STRN: variants seen among roughly 807,000 people sequenced by gnomAD.
STRN encodes the protein protein phosphatase 2 regulatory subunit B'''alpha.
Under a neutral mutation model 96.3 loss-of-function variants are expected in STRN, and 53 were observed. The observed-to-expected ratio is 0.55, with a 90% CI of 0.44 to 0.69. The LOEUF is 0.69. STRN is among the 30% of genes least tolerant of loss of function. STRN has a pLI of 0.00. For synonymous variants in STRN, 428 were observed against 355.9 expected, an observed-to-expected ratio of 1.20 and a Z score of -2.28; for missense variants, 987 against 963.9, an observed-to-expected ratio of 1.02 and a Z score of -0.32.
chr2:36,919,681 C>T (rs10201963), intron 2 of STRN, among the ~76,000 whole-genome samples: 9,931 of 151,988 alleles, frequency 0.065, 441 homozygotes, highest in East Asian at 0.13. Flanking sequence ...ATGAATTCTA[C>T]GGATATGGAA....
rs748378227 is a variant in STRN, at chr2:36,894,004, G to A, written c.825C>T (p.Ser275=). ...TIVRKKALPD[S]GEDRDTKEAL... ...CTTCTTTTGTATCTCGATCTTCACC[G>A]CTGTCAGGCAATGCTTTTTTCCTAA... Residue 275 remains serine, a synonymous_variant, in exon 7 of 18, where the codon AGC becomes AGT. Coordinates refer to ENST00000263918, the MANE Select transcript of STRN (RefSeq NM_003162.4). 9 of 1,612,656 alleles carry A rather than the reference G, an allele frequency of 5.6e-6. No individual in the cohort carries two copies. The highest frequency in any genetic ancestry group is 3.3e-5 in the South Asian group (3 of 90,784).
Position 36,846,978 on chromosome 2 carries a change from C to T in STRN, c.*2478G>A, listed in dbSNP as rs1425230453. Reference sequence around the variant, plus strand: ...TGGCTGTTTAAACATTGAATTTGTTCATTCTGTGAATTTTCATTGAATGTT... The same window carrying T: ...TGGCTGTTTAAACATTGAATTTGTTTATTCTGTGAATTTTCATTGAATGTT... On this transcript the variant is annotated 3_prime_UTR_variant, in exon 18 of 18. Coordinates refer to ENST00000263918, the MANE Select transcript of STRN (RefSeq NM_003162.4). 6.6e-6 allele frequency: 1 copy of T among 152,104 alleles called. No individual in the cohort carries two copies. The allele number at this position is 152,104 out of a possible 1,614,324, so 9.4% of individuals were successfully genotyped here. A position where few individuals can be genotyped will look rare whatever the true frequency, so the allele number is the denominator to read the frequency against.
Position 36,857,786 on chromosome 2 carries a change from T to C in STRN, c.1837+70A>G, listed in dbSNP as rs532991034. 15 of 1,306,898 alleles carry C rather than the reference T, an allele frequency of 1.1e-5. No individual in the cohort carries two copies. The East Asian group carries it at 3.1e-4, about 27-fold the overall frequency. 81.0% of individuals were successfully genotyped at this position (1,306,898 alleles called of 1,614,324 possible). A position where few individuals can be genotyped will look rare whatever the true frequency, so the allele number is the denominator to read the frequency against. ...TTTAAAGAGTTCAGGGAATCATTTA[T>C]CTGCTTGCTTATTTTCAGAATAAAC... is the stretch of plus-strand genomic sequence containing the variant. On this transcript the variant is annotated intron_variant, in intron 14 of 17. Coordinates refer to ENST00000263918, the MANE Select transcript of STRN (RefSeq NM_003162.4).
chr2:36,878,743 T>A (rs1441415894), intron 9 of STRN, among the ~76,000 whole-genome samples: 2 of 151,976 alleles, frequency 1.3e-5, no homozygotes, highest in Non-Finnish European at 1.5e-5. Flanking sequence ...TTTTTATTTT[T>A]TATTTCTTTT....
chr2:36,867,872 G>C lies in STRN; in HGVS notation c.1500-11C>G, dbSNP rs1412047775. Reference sequence around the variant, plus strand: ...TCAAGAGAAGTGCTCCTAAATCAGAGAGAGATGACTTTACCATTCTAAGTG... The same window carrying C: ...TCAAGAGAAGTGCTCCTAAATCAGACAGAGATGACTTTACCATTCTAAGTG... On this transcript the variant is annotated splice_polypyrimidine_tract_variant and intron_variant, in intron 11 of 17. Coordinates refer to ENST00000263918, the MANE Select transcript of STRN (RefSeq NM_003162.4). The C allele has an allele frequency of 5.7e-6, 9 of 1,584,548 alleles. No homozygotes were observed. The highest frequency in any genetic ancestry group is 1.8e-5 in the Admixed American group (1 of 54,776).
intron 9 of STRN, among the ~76,000 whole-genome samples, chr2:36,880,546 C>G (rs749715479): frequency 2.0e-5 from 3 of 152,146 alleles, no homozygotes; most frequent in Non-Finnish European, 4.4e-5. Context: ...TATCAAACTA[C>G]CATACAATAC....
chr2:36,840,222 G>T lies in STRN; in HGVS notation c.*9234C>A, dbSNP rs1558614003. Reference sequence around the variant, plus strand: ...CCCAGGATAATCAAGGCAGGCTCAGGTTCCAGGCTAGAAAAGCTCCCTTTC... The same window carrying T: ...CCCAGGATAATCAAGGCAGGCTCAGTTTCCAGGCTAGAAAAGCTCCCTTTC... On this transcript the variant is annotated 3_prime_UTR_variant, in exon 18 of 18. Coordinates refer to ENST00000263918, the MANE Select transcript of STRN (RefSeq NM_003162.4). The T allele has an allele frequency of 2.6e-5, 4 of 152,284 alleles. No homozygotes were observed. Among genetic ancestry groups the T allele is most frequent in the Non-Finnish European group, 1.5e-5 (1 of 68,132 alleles). 9.4% of individuals were successfully genotyped at this position (152,284 alleles called of 1,614,324 possible).
At chr2:36,875,067 G>A (rs1330097298) in intron 10 of STRN, among the ~76,000 whole-genome samples, 1 of 152,098 alleles carries the variant, frequency 6.6e-6, no homozygotes, top group African/African-American at 2.4e-5. Context: ...ATATAAGTAG[G>A]GTGGGAATTA....
At chr2:36,951,767 T>C (rs1196696958) in intron 1 of STRN, among the ~76,000 whole-genome samples, 1 of 152,198 alleles carries the variant, frequency 6.6e-6, no homozygotes, top group Non-Finnish European at 1.5e-5. Context: ...GAAACAAATA[T>C]ATACCAAGTA....
At chr2:36,922,912 G>C (rs1278691554) in intron 2 of STRN, among the ~76,000 whole-genome samples, 1 of 152,340 alleles carries the variant, frequency 6.6e-6, no homozygotes, top group South Asian at 2.1e-4. Context: ...GGGAGGCTGA[G>C]GCAGGCGGAT....
intron 2 of STRN, among the ~76,000 whole-genome samples, chr2:36,921,602 G>A (rs189614982): frequency 6.6e-6 from 1 of 152,266 alleles, no homozygotes; most frequent in East Asian, 1.9e-4. Context: ...CCAGGAACCT[G>A]GGAGTCATTC....
chr2:36,890,291 A>G (rs1404644517), intron 7 of STRN, among the ~76,000 whole-genome samples: 1 of 152,186 alleles, frequency 6.6e-6, no homozygotes, highest in African/African-American at 2.4e-5. Context: ...GTATTCTTCA[A>G]TGACTAAATA....
In STRN at chr2:36,844,298, T is replaced by C. The variant is rs1668014213; in HGVS notation, c.*5158A>G. 6.6e-6 allele frequency: 1 copy of C among 152,144 alleles called. No homozygotes were observed. The highest frequency in any genetic ancestry group is 1.5e-5 in the Non-Finnish European group (1 of 68,012). The allele number at this position is 152,144 out of a possible 1,614,324, so 9.4% of individuals were successfully genotyped here. ...AAGAGATAGTAGGGAGGGAGATGTG[T>C]GGTAGACCAAAGACTTTCTGATTGC... On this transcript the variant is annotated 3_prime_UTR_variant, in exon 18 of 18. Coordinates refer to ENST00000263918, the MANE Select transcript of STRN (RefSeq NM_003162.4).
intron 3 of STRN, among the ~76,000 whole-genome samples, chr2:36,914,852 A>G (rs538051789): frequency 6.6e-6 from 1 of 152,160 alleles, no homozygotes; most frequent in Admixed American, 6.5e-5. Context: ...AAATCCAAAT[A>G]AATATTATCT....
Position 36,867,795 on chromosome 2 carries a change from A to C in STRN, c.1547+19T>G. The C allele has an allele frequency of 6.7e-7, 1 of 1,500,920 alleles. No individual in the cohort carries two copies. The highest frequency in any genetic ancestry group is 9.0e-7 in the Non-Finnish European group (1 of 1,111,748). The allele number at this position is 1,500,920 out of a possible 1,614,324, so 93.0% of individuals were successfully genotyped here. ...TTACAGAGATATCGGTTTAAAATAA[A>C]GAAAAAACATATACTTACTTATGGG... On this transcript the variant is annotated intron_variant, in intron 12 of 17. Coordinates refer to ENST00000263918, the MANE Select transcript of STRN (RefSeq NM_003162.4).
chr2:36,902,125 G>A (rs1274032597), intron 5 of STRN, among the ~76,000 whole-genome samples: 1 of 152,128 alleles, frequency 6.6e-6, no homozygotes, highest in Non-Finnish European at 1.5e-5. Flanking sequence ...CACTTACGCT[G>A]TCACTTCAAA....
chr2:36,924,156 A>G (rs1670338621), intron 2 of STRN, among the ~76,000 whole-genome samples: 1 of 152,114 alleles, frequency 6.6e-6, no homozygotes, highest in Admixed American at 6.6e-5. Context: ...GGAGATCAAG[A>G]CCATCCTGGC....
In STRN at chr2:36,845,119, T is replaced by A. The variant is rs1668035631; in HGVS notation, c.*4337A>T. 1 of 152,134 alleles carries A rather than the reference T, an allele frequency of 6.6e-6. No individual in the cohort carries two copies. The highest frequency in any genetic ancestry group is 1.5e-5 in the Non-Finnish European group (1 of 68,016). The allele number at this position is 152,134 out of a possible 1,614,324, so 9.4% of individuals were successfully genotyped here. A position where few individuals can be genotyped will look rare whatever the true frequency, so the allele number is the denominator to read the frequency against. ...AAGAATAAAGTAATCTAAATAAAAT[T>A]ATACTTAGCACTCTTTTTCATGTAA... On this transcript the variant is annotated 3_prime_UTR_variant, in exon 18 of 18. Transcript: ENST00000263918.
rs1558617182 is a variant in STRN, at chr2:36,845,909, ATG to A, written c.*3545_*3546del. 3.0e-5 allele frequency: 1 copy of A among 33,572 alleles called. No homozygotes were observed. Among genetic ancestry groups the A allele is most frequent in the Admixed American group, 3.3e-4 (1 of 2,986 alleles). 2.1% of individuals were successfully genotyped at this position (33,572 alleles called of 1,614,324 possible). On this transcript the variant is annotated 3_prime_UTR_variant, in exon 18 of 18. Coordinates refer to ENST00000263918, the MANE Select transcript of STRN (RefSeq NM_003162.4). ...AACACACACACACACACACACACGC[ATG>A]CATGCACACACACACACACACACAC...
Sources: allele counts gnomAD v4.1 joint callset (sites outside exome capture counted in the v4.1 genomes callset), GRCh38; gene constraint gnomAD v4.1.1; transcripts MANE v1.5; gene names NCBI Gene and HGNC (gene_info 2026-07-23, HGNC 2026-07-21).